The following BSN variants were observed in gnomAD, a reference collection of about 807,000 sequenced individuals.
The protein encoded by BSN is protein bassoon.
In BSN, 57 loss-of-function variants were observed where a neutral mutation model predicts 264.8. That is an observed-to-expected ratio of 0.22 (90% CI 0.17 to 0.27). BSN has a LOEUF of 0.27. Ranked by LOEUF, BSN falls within the 10% of genes least tolerant of loss-of-function variation. The pLI is 1.00. For missense variants in BSN, 4,615 were observed against 5,232.5 expected (o/e 0.88, Z 3.64); for synonymous variants, 2,059 against 2,137.3 (o/e 0.96, Z 1.01).
chr3:49,663,073 C>T lies in BSN; in HGVS notation c.10915C>T (p.His3639Tyr). The T allele has an allele frequency of 1.9e-6, 3 of 1,612,840 alleles. No homozygotes were observed. The highest frequency in any genetic ancestry group is 1.7e-6 in the Non-Finnish European group (2 of 1,179,894). ...TCATGATGAGGGTGGCCCAGGCCGCCATGCCTCAGCCAAGGAACACCGGCA... is the reference window on the plus strand; with the variant it reads ...TCATGATGAGGGTGGCCCAGGCCGCTATGCCTCAGCCAAGGAACACCGGCA... ...WPHDEGGPGR[H>Y]ASAKEHRHGD... Residue 3639 changes from histidine to tyrosine, a missense_variant, in exon 7 of 12, where the codon CAT becomes TAT. His to Tyr is a moderately conservative substitution (Grantham distance 83). This residue lies in a region of BSN where 3,415 missense variants were observed against 3,866.4 expected (regional missense o/e 0.88). Transcript: ENST00000296452.
chr3:49,563,332 C>T (rs2051729445), intron 1 of BSN, among the ~76,000 whole-genome samples: 1 of 152,190 alleles, frequency 6.6e-6, no homozygotes, highest in South Asian at 2.1e-4. Flanking sequence ...ACCTGCAGAG[C>T]CTGCTGCAGG....
Position 49,656,964 on chromosome 3 carries a change from A to G in BSN, c.7408A>G (p.Lys2470Glu), listed in dbSNP as rs1226400765. 1.2e-6 allele frequency: 2 copies of G among 1,607,290 alleles called. No individual in the cohort carries two copies. The change falls in exon 5 of 12, where the codon AAG becomes GAG. Residue 2470 changes from lysine (K) to glutamate (E), a missense_variant. By Grantham distance (56) the Lys-to-Glu change is moderately conservative (BLOSUM62 1). Transcript: ENST00000296452. ...QQLQQQLEEQ[K>E]QRQKAPFPAA... ...GCTGCAGCAGCAGCTAGAGGAGCAGAAGCAGCGGCAGAAGGCTCCCTTTCC... is the reference window on the plus strand; with the variant it reads ...GCTGCAGCAGCAGCTAGAGGAGCAGGAGCAGCGGCAGAAGGCTCCCTTTCC...
Position 49,664,744 on chromosome 3 carries a change from C to G in BSN, c.11741-55C>G, listed in dbSNP as rs2052699223. 2.4e-5 allele frequency: 38 copies of G among 1,603,616 alleles called. No homozygotes were observed. In the South Asian group the frequency reaches 3.9e-4, roughly 16 times the overall value. ...CCTTCACTATGCCAAGTGGCCCTGACTGGGAGGGGTCTGGCCCAATTTCCT... is the reference window on the plus strand; with the variant it reads ...CCTTCACTATGCCAAGTGGCCCTGAGTGGGAGGGGTCTGGCCCAATTTCCT... On this transcript the variant is annotated intron_variant, in intron 9 of 11. Coordinates refer to ENST00000296452, the MANE Select transcript of BSN (RefSeq NM_003458.4).
At chr3:49,665,065 T>C (rs1380419948) in intron 10 of BSN, among the ~76,000 whole-genome samples, 164 bp from the exon 11 acceptor site, 1 of 151,946 alleles carries the variant, frequency 6.6e-6, no homozygotes, top group Non-Finnish European at 1.5e-5. Flanking sequence ...GCCAACACAG[T>C]AGGGGTCCCC....
At chr3:49,619,293 C>T (rs1464667143) in intron 1 of BSN, among the ~76,000 whole-genome samples, 1 of 152,204 alleles carries the variant, frequency 6.6e-6, no homozygotes, top group Non-Finnish European at 1.5e-5. Context: ...CCAAGCGTGG[C>T]GCTGGGTCCT....
chr3:49,555,202 A>G (rs558747940), intron 1 of BSN, among the ~76,000 whole-genome samples: 3 of 152,198 alleles, frequency 2.0e-5, no homozygotes, highest in Non-Finnish European at 4.4e-5. Flanking sequence ...TGGTGTCTGC[A>G]TGTGTCCATT....
chr3:49,571,312 C>G (rs2051793377), intron 1 of BSN, among the ~76,000 whole-genome samples: 1 of 152,102 alleles, frequency 6.6e-6, no homozygotes, highest in Non-Finnish European at 1.5e-5. Context: ...GGTTTCCTAG[C>G]TCCAGCCTCT....
rs1482710168 is a variant in BSN at position 49,642,820 on chromosome 3, G to T, written c.1186G>T (p.Gly396Cys). 2 of 1,613,082 alleles carry T rather than the reference G, an allele frequency of 1.2e-6. No homozygotes were observed. Among genetic ancestry groups the T allele is most frequent in the Admixed American group, 3.3e-5 (2 of 59,996 alleles). The part of the protein sequence containing the change: ...IVFNDASKEA[G>C]PKPLGSGPGP... ...CTTCAATGATGCCAGCAAGGAGGCT[G>T]GCCCAAAACCCTTGGGCTCAGGGCC... is the stretch of plus-strand genomic sequence containing the variant. Residue 396 changes from glycine to cysteine, a missense_variant, in exon 3 of 12, where the codon GGC (glycine) becomes TGC (cysteine). By Grantham distance (159) the Gly-to-Cys change is radical. Around this residue, in one of 3 missense-constraint regions of BSN, gnomAD observed 1,197 missense variants for 1,348.0 expected, o/e 0.89. Coordinates refer to ENST00000296452, the MANE Select transcript of BSN (RefSeq NM_003458.4). This position sits in a 1 kb window ranked among gnomAD's most constrained non-coding sequence, Gnocchi z 7.0.
Position 49,663,901 on chromosome 3 carries a change from T to C in BSN, c.11608+15T>C. ...TGGACCTGCAGGTGAGCCTATCCTT[T>C]GACACCCTTGGCTGTGGCCCAGAGC... On this transcript the variant is annotated intron_variant, in intron 8 of 11. Coordinates refer to ENST00000296452, the MANE Select transcript of BSN (RefSeq NM_003458.4). 1.9e-6 allele frequency: 3 copies of C among 1,612,572 alleles called. No individual in the cohort carries two copies. Among genetic ancestry groups the C allele is most frequent in the Non-Finnish European group, 2.5e-6 (3 of 1,179,090 alleles).
At chr3:49,605,883 T>G (rs1452726414) in intron 1 of BSN, among the ~76,000 whole-genome samples, 1 of 79,796 alleles carries the variant, frequency 1.3e-5, no homozygotes, top group Non-Finnish European at 2.1e-5. Flanking sequence ...TATATATAGA[T>G]ATAAATATAT....
At chr3:49,584,177 G>A (rs1250050461) in intron 1 of BSN, among the ~76,000 whole-genome samples, 2 of 152,000 alleles carry the variant, frequency 1.3e-5, no homozygotes, top group East Asian at 1.9e-4. Context: ...GAGCCACCAC[G>A]CCCGGCCAAT....
At chr3:49,557,550 C>T (rs889936271) in intron 1 of BSN, among the ~76,000 whole-genome samples, 2 of 150,428 alleles carry the variant, frequency 1.3e-5, no homozygotes, top group African/African-American at 4.9e-5. Flanking sequence ...TAGTTTACAC[C>T]AGCTCTGTGG....
intron 3 of BSN, among the ~76,000 whole-genome samples, chr3:49,644,133 C>T (rs2052488631): frequency 6.6e-6 from 1 of 152,210 alleles, no homozygotes; most frequent in African/African-American, 2.4e-5. Flanking sequence ...TTAGAGTGCC[C>T]TCAGTCTTGA....
chr3:49,642,682 C>T lies in BSN; in HGVS notation c.1048C>T (p.Leu350Phe). 1 of 1,612,096 alleles carries T rather than the reference C, an allele frequency of 6.2e-7. No homozygotes were observed. ...GACCCAGGAGGGCCTCACTGGTAAG[C>T]TCTTCGGCCTTGGCGCGTCACTGCT... is the stretch of plus-strand genomic sequence containing the variant. ...EQTQEGLTGK[L>F]FGLGASLLTQ... The change falls in exon 3 of 12, where the codon CTC (leucine) becomes TTC (phenylalanine). Residue 350 changes from leucine (L) to phenylalanine (F), a missense_variant. Physicochemically the swap from Leu to Phe is conservative, Grantham distance 22. Around this residue, in one of 3 missense-constraint regions of BSN, gnomAD observed 1,197 missense variants for 1,348.0 expected, o/e 0.89. Transcript: ENST00000296452. This position sits in a 1 kb window ranked among gnomAD's most constrained non-coding sequence, Gnocchi z 7.0.
At chr3:49,559,161 A>G (rs1357275703) in intron 1 of BSN, among the ~76,000 whole-genome samples, 1 of 152,076 alleles carries the variant, frequency 6.6e-6, no homozygotes, top group Non-Finnish European at 1.5e-5. Context: ...TCCTGAGCTC[A>G]GGTGATCTGC....
chr3:49,587,530 A>C (rs1187687236), intron 1 of BSN, among the ~76,000 whole-genome samples: 1 of 152,230 alleles, frequency 6.6e-6, no homozygotes, highest in Non-Finnish European at 1.5e-5. Flanking sequence ...GAAAGAATGA[A>C]GCAATGAAAG....
At chr3:49,603,974 A>G (rs1575434554) in intron 1 of BSN, among the ~76,000 whole-genome samples, 3 of 152,196 alleles carry the variant, frequency 2.0e-5, no homozygotes, top group Admixed American at 2.0e-4. Context: ...TACTTGGCCT[A>G]ATGTTTTTAA....
Position 49,661,270 on chromosome 3 carries a change from T to A in BSN, c.9425T>A (p.Leu3142Gln), listed in dbSNP as rs751341835. ...FPVPADSRAP[L>Q]QKPRQTSLAD... ...GTCCCCGCTGATAGCCGTGCCCCAC[T>A]GCAGAAGCCACGCCAGACATCGCTA... The change falls in exon 6 of 12, where the codon CTG becomes CAG. Residue 3142 changes from leucine to glutamine, a missense_variant. Around this residue, in one of 3 missense-constraint regions of BSN, gnomAD observed 3,415 missense variants for 3,866.4 expected, o/e 0.88. Transcript: ENST00000296452. 9 of 1,613,730 alleles carry A rather than the reference T, an allele frequency of 5.6e-6. No individual in the cohort carries two copies. The highest frequency in any genetic ancestry group is 7.6e-6 in the Non-Finnish European group (9 of 1,180,028).
intron 1 of BSN, among the ~76,000 whole-genome samples, chr3:49,624,514 G>T (rs944135541): frequency 1.3e-5 from 2 of 151,298 alleles, no homozygotes; most frequent in Non-Finnish European, 2.9e-5. Flanking sequence ...GGGCAGGCTG[G>T]TCTTGAACTT....
Sources: allele counts gnomAD v4.1 joint callset (sites outside exome capture counted in the v4.1 genomes callset), GRCh38; gene constraint gnomAD v4.1.1; regional missense constraint gnomAD v4.1.1; non-coding constraint Gnocchi (gnomAD v3.1); transcripts MANE v1.5; gene names NCBI Gene and HGNC (gene_info 2026-07-23, HGNC 2026-07-21).